OR4M1: variants seen among roughly 807,000 people sequenced by gnomAD.
The protein encoded by OR4M1 is olfactory receptor family 4 subfamily M member 1, also known as olfactory receptor 4M1.
A neutral mutation model predicts 9.8 loss-of-function variants in OR4M1; 7 were observed. That is an observed-to-expected ratio of 0.71 (90% CI 0.41 to 1.34). The LOEUF (loss-of-function observed/expected upper bound fraction) is 1.34, where lower values mean the gene tolerates loss of function less well. OR4M1 is among the 40% of genes most tolerant of loss of function. The probability of loss-of-function intolerance (pLI) is 0.01; values close to 1 mark genes in which losing one functional copy is unlikely to be tolerated. For missense variants in OR4M1, 331 were observed against 380.4 expected (o/e 0.87, Z 1.08); for synonymous variants, 121 against 139.8 (o/e 0.87, Z 0.95).
At chr14:19,780,167 A>C (rs1878425051) in intron 1 of OR4M1, 127 bp from the exon 2 acceptor site, 1 of 833,886 alleles carries the variant, frequency 1.2e-6, no homozygotes, top group East Asian at 2.7e-5. Context: ...TCAAATATAA[A>C]ATGGGCAACC....
intron 1 of OR4M1, among the ~76,000 whole-genome samples, chr14:19,773,932 T>C (rs1410612147): frequency 4.6e-5 from 7 of 152,254 alleles, no homozygotes; most frequent in African/African-American, 1.7e-4. Flanking sequence ...TTTTGATTTA[T>C]GGGTCTTCAG....
rs182710959 is a variant in OR4M1, at chr14:19,780,916, G to A, written c.594G>A (p.Val198=). ...CCAACACCTTCCCAGAGGAGTTAGT[G>A]ATGATCTGTAGTAGTGGTCTGATCT... ...ACANTFPEEL[V]MICSSGLISV... Residue 198 remains valine, a synonymous_variant, in exon 2 of 2, where the codon GTG becomes GTA. Transcript: ENST00000641200. 4 of 1,614,218 alleles carry A rather than the reference G, an allele frequency of 2.5e-6. No individual in the cohort carries two copies. Among genetic ancestry groups the A allele is most frequent in the East Asian group, 4.5e-5 (2 of 44,884 alleles).
Position 19,783,642 on chromosome 14 carries a change from C to G in OR4M1, c.*2378C>G, listed in dbSNP as rs1016315159. The stretch of plus-strand genomic sequence containing the variant: ...TAACTCCTACATTTTCTTTCAGTTA[C>G]TTTTAAATGTCTTTTAATCTCTTTT... On this transcript the variant is annotated 3_prime_UTR_variant, in exon 2 of 2. Coordinates refer to ENST00000641200, the MANE Select transcript of OR4M1 (RefSeq NM_001005500.2). The G allele has an allele frequency of 6.6e-6, 1 of 152,286 alleles. No individual in the cohort carries two copies. The highest frequency in any genetic ancestry group is 2.4e-5 in the African/African-American group (1 of 41,470). The allele number at this position is 152,286 out of a possible 1,614,324, so 9.4% of individuals were successfully genotyped here.
At chr14:19,777,007 CATATATATATATATATATAT>C (rs71431978) in intron 1 of OR4M1, among the ~76,000 whole-genome samples, 45 of 45,926 alleles carry the variant, frequency 9.8e-4, no homozygotes, top group Middle Eastern at 0.01. Flanking sequence ...TTGTTTAAGC[CATATATATATATATATATAT>C]ATATATATAT....
rs1459651615 is a variant in OR4M1, at chr14:19,780,375, C to T, written c.53C>T (p.Ser18Phe). 2.5e-6 allele frequency: 4 copies of T among 1,614,042 alleles called. No individual in the cohort carries two copies. In the African/African-American group the frequency reaches 5.3e-5, roughly 22 times the overall value. ...KVTEFVLTGL[S>F]QTREVQLVLF... ...ACAGAATTTGTTCTCACTGGCCTATCCCAGACTCGGGAGGTCCAACTAGTC... is the reference window on the plus strand; with the variant it reads ...ACAGAATTTGTTCTCACTGGCCTATTCCAGACTCGGGAGGTCCAACTAGTC... The change falls in exon 2 of 2, where the codon TCC becomes TTC. Residue 18 changes from serine (S) to phenylalanine (F), a missense_variant. Transcript: ENST00000641200.
At chr14:19,777,635 G>A (rs1268339931) in intron 1 of OR4M1, among the ~76,000 whole-genome samples, 3 of 152,120 alleles carry the variant, frequency 2.0e-5, no homozygotes, top group Non-Finnish European at 4.4e-5. Flanking sequence ...GCATATAGTA[G>A]ATACTCTCTA....
intron 1 of OR4M1, among the ~76,000 whole-genome samples, chr14:19,778,243 C>T (rs1878368070): frequency 6.6e-6 from 1 of 152,190 alleles, no homozygotes; most frequent in African/African-American, 2.4e-5. Context: ...GTATGTTTGT[C>T]TTTTCAAGAC....
chr14:19,780,597 T>G lies in OR4M1; in HGVS notation c.275T>G (p.Ile92Ser). ...GACTTCTTTGTGGAGAGGAAGATAA[T>G]TTCCTTTGGTGGATGCATTGCACAG... ...LIDFFVERKI[I>S]SFGGCIAQLF... Residue 92 changes from isoleucine (I) to serine (S), a missense_variant, in exon 2 of 2, where the codon ATT (isoleucine) becomes AGT (serine). By Grantham distance (142) the Ile-to-Ser change is moderately radical. Coordinates refer to ENST00000641200, the MANE Select transcript of OR4M1 (RefSeq NM_001005500.2). The G allele has an allele frequency of 6.2e-7, 1 of 1,614,234 alleles. No individual in the cohort carries two copies. The highest frequency in any genetic ancestry group is 8.5e-7 in the Non-Finnish European group (1 of 1,180,038).
chr14:19,779,517 T>C (rs1367134111), intron 1 of OR4M1, among the ~76,000 whole-genome samples: 2 of 152,216 alleles, frequency 1.3e-5, no homozygotes. Context: ...TTATTCCCAT[T>C]GTCACCTTGA....
At position 19,777,150 on chromosome 14, in the gene OR4M1, G is replaced by A. The variant is rs1340193166; in HGVS notation, c.-29-3144G>A. Among the ~76,000 whole-genome samples, 16 of 150,684 alleles carry A rather than the reference G, an allele frequency of 1.1e-4. No individual in the cohort carries two copies. In the East Asian group the frequency reaches 2.7e-3, roughly 26 times the overall value. On this transcript the variant is annotated intron_variant, in intron 1 of 1. Transcript: ENST00000641200. Reference sequence around the variant, plus strand: ...GCAAATTGTATTAAGCTATTCTGTCGAGTTTTATTTTAAAACATATTGAAA... The same window carrying A: ...GCAAATTGTATTAAGCTATTCTGTCAAGTTTTATTTTAAAACATATTGAAA...
intron 1 of OR4M1, among the ~76,000 whole-genome samples, chr14:19,775,402 A>G (rs1368973662): frequency 3.3e-5 from 5 of 152,100 alleles, no homozygotes; most frequent in Non-Finnish European, 7.4e-5. Flanking sequence ...GCCTGTCATA[A>G]TAGCCACCCT....
rs1047971030 is a variant in OR4M1, at chr14:19,782,481, T to G, written c.*1217T>G. On this transcript the variant is annotated 3_prime_UTR_variant, in exon 2 of 2. Transcript: ENST00000641200. ...TGATAATGTAATATGGACTAAATTT[T>G]AAGTGAATTAGATCCTTGTCAACAT... 2.0e-5 allele frequency: 3 copies of G among 152,262 alleles called. No individual in the cohort carries two copies. The highest frequency in any genetic ancestry group is 7.2e-5 in the African/African-American group (3 of 41,470). 9.4% of individuals were successfully genotyped at this position (152,262 alleles called of 1,614,324 possible).
In OR4M1 at chr14:19,781,460, C is replaced by T. The variant is rs1052422863; in HGVS notation, c.*196C>T. On this transcript the variant is annotated 3_prime_UTR_variant, in exon 2 of 2. Coordinates refer to ENST00000641200, the MANE Select transcript of OR4M1 (RefSeq NM_001005500.2). ...TGAAAATAAATTTACTCACACCTAC[C>T]CTGAAATTCCAGGCAGATCATTATT... 2 of 572,578 alleles carry T rather than the reference C, an allele frequency of 3.5e-6. No homozygotes were observed. The highest frequency in any genetic ancestry group is 3.8e-5 in the African/African-American group (2 of 52,676). The allele number at this position is 572,578 out of a possible 1,614,324, so 35.5% of individuals were successfully genotyped here.
At position 19,777,050 on chromosome 14, in the gene OR4M1, T is replaced by TATATATATATATATA. The variant is rs57131693; in HGVS notation, c.-29-3244_-29-3243insATATATATATATATA. Among the ~76,000 whole-genome samples, 25 of 75,130 alleles carry TATATATATATATATA rather than the reference T, an allele frequency of 3.3e-4. 1 individual carries two copies. The highest frequency in any genetic ancestry group is 1.1e-3 in the East Asian group (3 of 2,740). 49.3% of individuals were successfully genotyped at this position (75,130 alleles called of 152,430 possible). A position where few individuals can be genotyped will look rare whatever the true frequency, so the allele number is the denominator to read the frequency against. On this transcript the variant is annotated intron_variant, in intron 1 of 1. Transcript: ENST00000641200. ...TATATATATATATATATATATATATTGTTTGTTTGTTTTTCCTGTAATGTT... is the reference window on the plus strand; with the variant it reads ...TATATATATATATATATATATATATTATATATATATATATAGTTTGTTTGTTTTTCCTGTAATGTT...
At position 19,781,313 on chromosome 14, in the gene OR4M1, G is replaced by A; in HGVS notation, c.*49G>A. ...TCCTCCTGAGGATCATTGTCCTAAA[G>A]CAGGAAGTATTTGCAGTAATAATGC... On this transcript the variant is annotated 3_prime_UTR_variant, in exon 2 of 2. Coordinates refer to ENST00000641200, the MANE Select transcript of OR4M1 (RefSeq NM_001005500.2). 6.9e-7 allele frequency: 1 copy of A among 1,447,690 alleles called. No individual in the cohort carries two copies. Among genetic ancestry groups the A allele is most frequent in the South Asian group, 1.3e-5 (1 of 76,786 alleles). 89.7% of individuals were successfully genotyped at this position (1,447,690 alleles called of 1,614,324 possible). A position where few individuals can be genotyped will look rare whatever the true frequency, so the allele number is the denominator to read the frequency against.
At chr14:19,777,815 T>C (rs1566450612) in intron 1 of OR4M1, among the ~76,000 whole-genome samples, 1 of 152,164 alleles carries the variant, frequency 6.6e-6, no homozygotes, top group Non-Finnish European at 1.5e-5. Context: ...TTTTAGGTAA[T>C]GGTTATGTTA....
At chr14:19,779,393 AG>A (rs140438719) in intron 1 of OR4M1, among the ~76,000 whole-genome samples, 1,553 of 152,166 alleles carry the variant, frequency 0.01, 8 homozygotes, top group African/African-American at 0.036. Flanking sequence ...CCTTACTTAA[AG>A]AAAAGCATAT....
intron 1 of OR4M1, among the ~76,000 whole-genome samples, chr14:19,774,188 C>T (rs1442228569): frequency 6.6e-6 from 1 of 152,170 alleles, no homozygotes; most frequent in Non-Finnish European, 1.5e-5. Flanking sequence ...GAGACTCTTA[C>T]TTGAAATAAA....
intron 1 of OR4M1, among the ~76,000 whole-genome samples, chr14:19,774,482 G>A (rs754301415): frequency 4.1e-4 from 63 of 152,186 alleles, no homozygotes; most frequent in Non-Finnish European, 7.9e-4. Context: ...ATGACCTCAA[G>A]GAGCTCAGAG....
Sources: allele counts gnomAD v4.1 joint callset (sites outside exome capture counted in the v4.1 genomes callset), GRCh38; gene constraint gnomAD v4.1.1; transcripts MANE v1.5; gene names NCBI Gene and HGNC (gene_info 2026-07-23, HGNC 2026-07-21).